Variants in SLC25A30 observed in about 807,000 individuals in gnomAD.
SLC25A30 encodes the protein solute carrier family 25 member 30, also known as kidney mitochondrial carrier protein 1.
SLC25A30 carries 29 observed loss-of-function variants against 42.7 expected under a neutral mutation model. The observed-to-expected ratio is 0.68, with a 90% CI of 0.51 to 0.93. The LOEUF (loss-of-function observed/expected upper bound fraction) is 0.93. Ranked by LOEUF, SLC25A30 falls within the 40% of genes least tolerant of loss-of-function variation. The pLI, the probability that SLC25A30 is intolerant of heterozygous loss-of-function variation, is 0.00. For synonymous variants in SLC25A30, 124 were observed against 131.0 expected, an observed-to-expected ratio of 0.95 and a Z score of 0.37; for missense variants, 300 against 359.7, an observed-to-expected ratio of 0.83 and a Z score of 1.34.
chr13:45,418,713 C>G (rs1883755869), upstream of SLC25A30: 1 of 152,038 alleles, frequency 6.6e-6, no homozygotes, highest in Admixed American at 6.5e-5. Flanking sequence ...CACGGTGCCC[C>G]CGTGAACCTT....
At chr13:45,396,059 C>T in intron 9 of SLC25A30, 44 bp from the exon 10 acceptor site, 1 of 1,614,176 alleles carries the variant, frequency 6.2e-7, no homozygotes, top group Non-Finnish European at 8.5e-7. Flanking sequence ...GCCATCTTCA[C>T]AACTCCAGTG....
At chr13:45,423,058 T>A (rs1883928199), upstream of SLC25A30, among the ~76,000 whole-genome samples, 1 of 151,994 alleles carries the variant, frequency 6.6e-6, no homozygotes, top group Admixed American at 6.6e-5. Flanking sequence ...AACAGTAAGC[T>A]CGTTGGGGTA....
At chr13:45,431,149 G>A in the SLC25A30 span, among the ~76,000 whole-genome samples, 1 of 152,196 alleles carries the variant, frequency 6.6e-6, no homozygotes, top group Non-Finnish European at 1.5e-5. Flanking sequence ...CAGGATTCAA[G>A]CGATTCTCCT....
At chr13:45,423,882 AAT>A in the SLC25A30 span, among the ~76,000 whole-genome samples, 392 of 78,852 alleles carry the variant, frequency 5.0e-3, 11 homozygotes, top group African/African-American at 0.018. Flanking sequence ...AATATATAAA[AAT>A]ATATATATAA....
the SLC25A30 span, among the ~76,000 whole-genome samples, chr13:45,431,170 C>T: frequency 2.6e-5 from 4 of 152,034 alleles, no homozygotes; most frequent in Admixed American, 1.3e-4. Context: ...GCCTCAGCCT[C>T]CCGAGTAGCT....
At chr13:45,411,564 T>C (rs1277864790) in intron 1 of SLC25A30, 84 bp from the exon 2 acceptor site, 1 of 877,368 alleles carries the variant, frequency 1.1e-6, no homozygotes, top group African/African-American at 1.7e-5. Context: ...AGGTTTTATT[T>C]GGAGAGTGCT....
chr13:45,394,031 CAAA>C lies in SLC25A30; in HGVS notation c.*1940_*1942del, dbSNP rs140679747. On this transcript the variant is annotated 3_prime_UTR_variant, in exon 10 of 10. Coordinates refer to ENST00000519676, the MANE Select transcript of SLC25A30 (RefSeq NM_001010875.4). ...TTTCAAGAAAAGCAATCTTTAAACT[CAAA>C]GAACTCAAAAGTGAAAGCCTCTCTA... 8,320 of 984,882 alleles carry C rather than the reference CAAA, an allele frequency of 8.4e-3. 42 individuals are homozygous for C. The highest frequency in any genetic ancestry group is 9.3e-3 in the Non-Finnish European group (7,677 of 829,574). 61.0% of individuals were successfully genotyped at this position (984,882 alleles called of 1,614,324 possible).
chr13:45,419,833 G>A (rs1453044332), upstream of SLC25A30, among the ~76,000 whole-genome samples: 7 of 151,716 alleles, frequency 4.6e-5, no homozygotes, highest in Non-Finnish European at 7.4e-5. Context: ...GGGAGGCTGA[G>A]GCAGGAAAAT....
In SLC25A30 at chr13:45,394,116, T is replaced by C; in HGVS notation, c.*1858A>G. The stretch of plus-strand genomic sequence containing the variant: ...TTGGAAAGAAGAAAAAATCCTAAGG[T>C]GTAGTTTAGAACAAGCAGCAAGGCC... On this transcript the variant is annotated 3_prime_UTR_variant, in exon 10 of 10. Transcript: ENST00000519676. 1.0e-6 allele frequency: 1 copy of C among 984,950 alleles called. No individual in the cohort carries two copies. Among genetic ancestry groups the C allele is most frequent in the Non-Finnish European group, 1.2e-6 (1 of 829,892 alleles). 61.0% of individuals were successfully genotyped at this position (984,950 alleles called of 1,614,324 possible).
At chr13:45,422,364 C>A (rs1219497845), upstream of SLC25A30, among the ~76,000 whole-genome samples, 1 of 152,118 alleles carries the variant, frequency 6.6e-6, no homozygotes, top group Non-Finnish European at 1.5e-5. Context: ...CTGACTGAGA[C>A]ATCTGGTCAC....
chr13:45,410,508 A>T (rs1025993996), intron 2 of SLC25A30, among the ~76,000 whole-genome samples: 1 of 152,156 alleles, frequency 6.6e-6, no homozygotes, highest in Admixed American at 6.5e-5. Context: ...TCTAATAAAA[A>T]TATAAGAATT....
At chr13:45,410,772 A>G (rs1882942701) in intron 2 of SLC25A30, among the ~76,000 whole-genome samples, 1 of 152,162 alleles carries the variant, frequency 6.6e-6, no homozygotes. Flanking sequence ...AGATCAGACG[A>G]CTGCACTCCA....
the SLC25A30 span, among the ~76,000 whole-genome samples, chr13:45,423,885 AT>A: frequency 4.5e-5 from 2 of 44,536 alleles, no homozygotes; most frequent in Non-Finnish European, 9.9e-5. Flanking sequence ...ATATAAAAAT[AT>A]ATATATAAAT....
At chr13:45,401,351 G>C in intron 6 of SLC25A30, 144 bp from the exon 7 acceptor site, 1 of 800,048 alleles carries the variant, frequency 1.2e-6, no homozygotes, top group Non-Finnish European at 1.9e-6. Context: ...GTGACAGAGC[G>C]GAAAAGATCA....
intron 8 of SLC25A30, chr13:45,397,886 G>C: frequency 2.0e-6 from 2 of 985,534 alleles, no homozygotes; most frequent in Non-Finnish European, 2.4e-6. Flanking sequence ...ACACTGTTGA[G>C]TGAGGAAAAA....
At chr13:45,399,831 T>C (rs987778961) in intron 7 of SLC25A30, among the ~76,000 whole-genome samples, 6 of 152,018 alleles carry the variant, frequency 3.9e-5, no homozygotes, top group Middle Eastern at 3.4e-3. Context: ...GGTTCTGCTA[T>C]ATTTTCAGTC....
the SLC25A30 span, among the ~76,000 whole-genome samples, chr13:45,423,617 AAT>A: frequency 0.018 from 1,775 of 96,080 alleles, 274 homozygotes; most frequent in East Asian, 0.063. Context: ...ATATATATAA[AAT>A]ATATATATAT....
chr13:45,423,804 ATATATATAAAAATATAAATATATATTTAT>A, the SLC25A30 span, among the ~76,000 whole-genome samples: 1 of 65,408 alleles, frequency 1.5e-5, no homozygotes, highest in Non-Finnish European at 2.7e-5. Context: ...ATATATATTT[ATATATATAAAAATATAAATATATATTTAT>A]ATATATAAAT....
At chr13:45,419,493 A>C (rs780170962), upstream of SLC25A30, among the ~76,000 whole-genome samples, 3 of 149,224 alleles carry the variant, frequency 2.0e-5, no homozygotes, top group Non-Finnish European at 4.5e-5. Context: ...TAATTGTTGT[A>C]TTTTTAGTAG....
Sources: gnomAD v4.1 joint callset for allele counts (sites outside exome capture counted in the v4.1 genomes callset) on GRCh38, gnomAD v4.1.1 for gene constraint, MANE v1.5 for transcripts, NCBI Gene and HGNC (gene_info 2026-07-23, HGNC 2026-07-21) for gene names.